The following ULK4 variants were observed in gnomAD, a reference collection of about 807,000 sequenced individuals.
The protein encoded by ULK4 is unc-51 like kinase 4, also known as inactive serine/threonine-protein kinase ULK4.
Under a neutral mutation model 160.6 loss-of-function variants are expected in ULK4, and 133 were observed. That is an observed-to-expected ratio of 0.83 (90% CI 0.72 to 0.96). The LOEUF (loss-of-function observed/expected upper bound fraction) is 0.96, where lower values mean the gene tolerates loss of function less well. Among genes scored for constraint, ULK4 ranks in the 40% least tolerant of loss-of-function variants. The pLI, the probability that ULK4 is intolerant of heterozygous loss-of-function variation, is 0.00. For synonymous variants in ULK4, 534 were observed against 539.8 expected (o/e 0.99, Z 0.15); for missense variants, 1,580 against 1,499.5 (o/e 1.05, Z -0.89).
intron 32 of ULK4, among the ~76,000 whole-genome samples, chr3:41,542,250 C>T (rs1466054935): frequency 6.6e-6 from 1 of 152,102 alleles, no homozygotes; most frequent in Non-Finnish European, 1.5e-5. Context: ...TTCTTGAAGG[C>T]CTTTTCTGCA....
chr3:41,525,905 G>A (rs1404435885), intron 32 of ULK4, among the ~76,000 whole-genome samples: 2 of 152,096 alleles, frequency 1.3e-5, no homozygotes, highest in African/African-American at 4.8e-5. Flanking sequence ...TTCATTTCCT[G>A]TCATTTTGTG....
At chr3:41,249,613 C>G (rs1248241577) in intron 35 of ULK4, 39 bp from the exon 36 acceptor site, 1 of 1,593,466 alleles carries the variant, frequency 6.3e-7, no homozygotes, top group Admixed American at 1.7e-5. Flanking sequence ...GTCAGCTGAC[C>G]CGTCCCTGAC....
At position 41,878,908 on chromosome 3, in the gene ULK4, C is replaced by CT. The variant is rs1210471413; in HGVS notation, c.1656+4965_1656+4966insA. 7.0e-5 allele frequency among the ~76,000 whole-genome samples: 7 copies of CT among 99,328 alleles called. No homozygotes were observed. The South Asian group carries it at 1.3e-3, about 19-fold the overall frequency. The allele number at this position is 99,328 out of a possible 152,430, so 65.2% of individuals were successfully genotyped here. A position where few individuals can be genotyped will look rare whatever the true frequency, so the allele number is the denominator to read the frequency against. ...AATTCCTATTTCCCCAAGCCATCCC[C>CT]CCAAAAAAAAGTACTGAATCAAGGG... On this transcript the variant is annotated intron_variant, in intron 17 of 36. Transcript: ENST00000301831.
intron 14 of ULK4, among the ~76,000 whole-genome samples, chr3:41,897,474 T>C (rs553444326): frequency 6.6e-6 from 1 of 152,222 alleles, no homozygotes; most frequent in South Asian, 2.1e-4. Flanking sequence ...TCCAAATCCC[T>C]ATACAAAAAA....
intron 16 of ULK4, among the ~76,000 whole-genome samples, chr3:41,893,791 A>G (rs1045998100): frequency 7.2e-5 from 11 of 152,202 alleles, no homozygotes; most frequent in Non-Finnish European, 5.9e-5. Context: ...ACATAAAATT[A>G]TATCATGTGA....
At chr3:41,554,773 TAC>T (rs2125583508) in intron 32 of ULK4, among the ~76,000 whole-genome samples, 1 of 152,336 alleles carries the variant, frequency 6.6e-6, no homozygotes, top group East Asian at 1.9e-4. Context: ...ATTTGATCAT[TAC>T]ACATTCTATG....
chr3:41,254,970 T>A (rs1299482659), intron 35 of ULK4, among the ~76,000 whole-genome samples: 1 of 151,416 alleles, frequency 6.6e-6, no homozygotes, highest in Admixed American at 6.6e-5. Flanking sequence ...GAGCAAACAT[T>A]AAGAGGAATG....
At chr3:41,685,465 G>A (rs993424217) in intron 27 of ULK4, among the ~76,000 whole-genome samples, 20 of 152,240 alleles carry the variant, frequency 1.3e-4, no homozygotes, top group African/African-American at 4.3e-4. Context: ...ATACTCTGTT[G>A]TTCTTCTATG....
intron 30 of ULK4, among the ~76,000 whole-genome samples, chr3:41,644,554 T>C (rs1305199033): frequency 6.6e-6 from 1 of 152,176 alleles, no homozygotes; most frequent in Non-Finnish European, 1.5e-5. Context: ...CACTTGATCA[T>C]GGTGGATAAG....
At chr3:41,733,544 T>G (rs2037906942) in intron 22 of ULK4, among the ~76,000 whole-genome samples, 1 of 151,954 alleles carries the variant, frequency 6.6e-6, no homozygotes, top group African/African-American at 2.4e-5. Flanking sequence ...AAAATAAATG[T>G]GTAACTATAA....
intron 31 of ULK4, among the ~76,000 whole-genome samples, chr3:41,572,492 C>T (rs2088013625): frequency 6.6e-6 from 1 of 151,806 alleles, no homozygotes; most frequent in Non-Finnish European, 1.5e-5. Flanking sequence ...AGATAAATAA[C>T]CCACACGCCT....
intron 35 of ULK4, among the ~76,000 whole-genome samples, chr3:41,321,110 G>A (rs769376794): frequency 2.6e-5 from 4 of 151,640 alleles, no homozygotes; most frequent in African/African-American, 4.9e-5. Context: ...CTTGCACCCC[G>A]GGAAGGTGCT....
chr3:41,506,133 A>G (rs2085365016), intron 32 of ULK4, among the ~76,000 whole-genome samples: 1 of 152,198 alleles, frequency 6.6e-6, no homozygotes. Context: ...AATCATCTTA[A>G]ATAGATCACA....
At chr3:41,569,680 T>C (rs528588398) in intron 31 of ULK4, among the ~76,000 whole-genome samples, 3 of 152,152 alleles carry the variant, frequency 2.0e-5, no homozygotes, top group Admixed American at 6.5e-5. Context: ...CCTATTTATA[T>C]TGCCTTTTAC....
At chr3:41,460,091 AG>A (rs1240863519) in intron 33 of ULK4, among the ~76,000 whole-genome samples, 1 of 152,202 alleles carries the variant, frequency 6.6e-6, no homozygotes, top group Non-Finnish European at 1.5e-5. Flanking sequence ...AAAAACAGAC[AG>A]CCCCCTAAAA....
chr3:41,698,701 A>G (rs945877392), intron 27 of ULK4, among the ~76,000 whole-genome samples: 21 of 152,184 alleles, frequency 1.4e-4, no homozygotes, highest in Non-Finnish European at 2.8e-4. Context: ...AGATAACTAA[A>G]GATGTACTTA....
At position 41,826,804 on chromosome 3, in the gene ULK4, C is replaced by T. The variant is rs867143166; in HGVS notation, c.1765-7298G>A. ...GAATTGAACACAGCTATGCACCAAG[C>T]GGACCTAATAGACATCTACAGAACT... is the stretch of plus-strand genomic sequence containing the variant. On this transcript the variant is annotated intron_variant, in intron 18 of 36. Transcript: ENST00000301831. Among the ~76,000 whole-genome samples the T allele has an allele frequency of 7.6e-5, 11 of 145,542 alleles. 1 individual carries two copies. Among genetic ancestry groups the T allele is most frequent in the Middle Eastern group, 3.6e-3 (1 of 276 alleles).
At chr3:41,744,815 A>G (rs1281439425) in intron 22 of ULK4, among the ~76,000 whole-genome samples, 1 of 151,812 alleles carries the variant, frequency 6.6e-6, no homozygotes, top group African/African-American at 2.4e-5. Context: ...ACTAAACTAC[A>G]AGACAAACCT....
At chr3:41,690,409 T>C (rs1280572649) in intron 27 of ULK4, among the ~76,000 whole-genome samples, 3 of 151,216 alleles carry the variant, frequency 2.0e-5, no homozygotes, top group African/African-American at 7.3e-5. Context: ...ACCTGCACAT[T>C]GTGCACATGT....
Sources: allele counts gnomAD v4.1 joint callset (sites outside exome capture counted in the v4.1 genomes callset), GRCh38; gene constraint gnomAD v4.1.1; transcripts MANE v1.5; gene names NCBI Gene and HGNC (gene_info 2026-07-23, HGNC 2026-07-21).